Variants in RALYL observed in about 807,000 individuals in gnomAD.
RALYL encodes RNA-binding Raly-like protein.
RALYL carries 29 observed loss-of-function variants against 35.1 expected under a neutral mutation model. The observed-to-expected ratio is 0.83, with a 90% CI of 0.61 to 1.13. The LOEUF is 1.13. RALYL is among the 50% of genes most tolerant of loss of function. The probability of loss-of-function intolerance (pLI) is 0.00; values close to 1 mark genes in which losing one functional copy is unlikely to be tolerated. For missense variants in RALYL, 359 were observed against 360.4 expected (o/e 1.00, Z 0.03); for synonymous variants, 120 against 127.6 (o/e 0.94, Z 0.40).
intron 2 of RALYL, among the ~76,000 whole-genome samples, chr8:84,642,340 C>G (rs1054810921): frequency 2.6e-5 from 4 of 151,938 alleles, no homozygotes; most frequent in Non-Finnish European, 5.9e-5. Context: ...AAAGCAGCCT[C>G]TATGGCAATT....
chr8:84,398,747 G>T (rs1274764221), intron 1 of RALYL, among the ~76,000 whole-genome samples: 1 of 152,158 alleles, frequency 6.6e-6, no homozygotes, highest in Non-Finnish European at 1.5e-5. Context: ...GCCAAAGCGG[G>T]TCGATCACCT....
intron 3 of RALYL, among the ~76,000 whole-genome samples, chr8:84,775,372 G>A (rs923668344): frequency 4.6e-5 from 7 of 152,246 alleles, no homozygotes; most frequent in African/African-American, 1.7e-4. Context: ...TGCAGCTCAG[G>A]AACCTGAGAT....
intron 1 of RALYL, among the ~76,000 whole-genome samples, chr8:84,516,727 G>A (rs752059136): frequency 6.6e-5 from 10 of 152,148 alleles, no homozygotes; most frequent in Non-Finnish European, 1.5e-4. Flanking sequence ...CAATGCAAGA[G>A]GGTATCTGTC....
chr8:84,631,320 A>AT (rs371812038), intron 2 of RALYL, among the ~76,000 whole-genome samples: 7 of 151,846 alleles, frequency 4.6e-5, no homozygotes, highest in African/African-American at 1.7e-4. Context: ...CATTCAGTTT[A>AT]TTTTTTGTGG....
intron 1 of RALYL, among the ~76,000 whole-genome samples, chr8:84,209,542 T>A (rs2131139789): frequency 6.6e-6 from 1 of 152,302 alleles, no homozygotes; most frequent in South Asian, 2.1e-4. Flanking sequence ...ATATTTTCAA[T>A]AAATGATGGC....
At chr8:84,423,710 G>C (rs1183867088) in intron 1 of RALYL, among the ~76,000 whole-genome samples, 3 of 151,820 alleles carry the variant, frequency 2.0e-5, no homozygotes, top group Non-Finnish European at 2.9e-5. Flanking sequence ...TCCATGTTTA[G>C]TGCTTCCTTC....
chr8:84,703,898 T>G (rs918080776), intron 2 of RALYL, among the ~76,000 whole-genome samples: 1 of 152,274 alleles, frequency 6.6e-6, no homozygotes, highest in Admixed American at 6.5e-5. Flanking sequence ...AAATACATCA[T>G]TAGATCTTCA....
At chr8:84,874,846 A>G (rs1437853359) in intron 7 of RALYL, among the ~76,000 whole-genome samples, 2 of 152,234 alleles carry the variant, frequency 1.3e-5, no homozygotes, top group Non-Finnish European at 2.9e-5. Context: ...AGTTAAAAAT[A>G]TAATAATTGG....
intron 1 of RALYL, among the ~76,000 whole-genome samples, chr8:84,507,768 T>C (rs2057298873): frequency 6.6e-6 from 1 of 152,170 alleles, no homozygotes; most frequent in African/African-American, 2.4e-5. Context: ...CTGTTGTCAA[T>C]AATTACAAGC....
At chr8:84,223,081 GCCTTTCCTTTCCTTT>G (rs767992068) in intron 1 of RALYL, among the ~76,000 whole-genome samples, 2,015 of 52,352 alleles carry the variant, frequency 0.038, 61 homozygotes, top group African/African-American at 0.071. Flanking sequence ...CCTTTGCCCT[GCCTTTCCTTTCCTTT>G]CCTTTCCTTT....
At chr8:84,244,196 A>C (rs1288307514) in intron 1 of RALYL, among the ~76,000 whole-genome samples, 1 of 152,160 alleles carries the variant, frequency 6.6e-6, no homozygotes, top group African/African-American at 2.4e-5. Context: ...TATCCCATTT[A>C]GTGGATGAGT....
In RALYL at chr8:84,856,657, A is replaced by T. The variant is rs16913370; in HGVS notation, c.414-5639A>T. 4.8e-3 allele frequency among the ~76,000 whole-genome samples: 725 copies of T among 152,346 alleles called. 6 individuals are homozygous for T. The highest frequency in any genetic ancestry group is 0.016 in the African/African-American group (681 of 41,590). On this transcript the variant is annotated intron_variant, in intron 5 of 8. Coordinates refer to ENST00000521268, the MANE Select transcript of RALYL (RefSeq NM_173848.7). ...TAACCAAAGATTTATTTGAAGTCAGAGTAGAAATTATAGGCAGAGTTTATG... is the reference window on the plus strand; with the variant it reads ...TAACCAAAGATTTATTTGAAGTCAGTGTAGAAATTATAGGCAGAGTTTATG...
At chr8:84,267,931 C>G (rs1833638637) in intron 1 of RALYL, among the ~76,000 whole-genome samples, 2 of 152,196 alleles carry the variant, frequency 1.3e-5, no homozygotes, top group African/African-American at 2.4e-5. Flanking sequence ...CAGTATCAGG[C>G]AGTCTAGGCT....
intron 1 of RALYL, among the ~76,000 whole-genome samples, chr8:84,248,566 A>G (rs1177135891): frequency 6.6e-6 from 1 of 152,002 alleles, no homozygotes; most frequent in Non-Finnish European, 1.5e-5. Context: ...ATCCTTAGTC[A>G]TCTTGTATTC....
chr8:84,343,991 T>C (rs112224601), intron 1 of RALYL, among the ~76,000 whole-genome samples: 4,471 of 152,108 alleles, frequency 0.029, 113 homozygotes, highest in Non-Finnish European at 0.035. Flanking sequence ...GTTTTACTGA[T>C]TATGTTTAGA....
At chr8:84,653,568 T>C (rs1487042485) in intron 2 of RALYL, among the ~76,000 whole-genome samples, 1 of 152,018 alleles carries the variant, frequency 6.6e-6, no homozygotes, top group East Asian at 1.9e-4. Flanking sequence ...CTTCCTTCCT[T>C]CCTTCAGGTC....
intron 1 of RALYL, among the ~76,000 whole-genome samples, chr8:84,348,531 G>A (rs1850271327): frequency 6.6e-6 from 1 of 152,176 alleles, no homozygotes; most frequent in East Asian, 1.9e-4. Context: ...TCCATTTAAT[G>A]TACAGAAGGG....
chr8:84,273,253 G>A (rs1196004078), intron 1 of RALYL, among the ~76,000 whole-genome samples: 1 of 152,182 alleles, frequency 6.6e-6, no homozygotes, highest in East Asian at 1.9e-4. Flanking sequence ...TCATCTCAGG[G>A]CTCTAGTGGG....
intron 1 of RALYL, among the ~76,000 whole-genome samples, chr8:84,262,632 A>C (rs1832528895): frequency 6.6e-6 from 1 of 152,186 alleles, no homozygotes; most frequent in African/African-American, 2.4e-5. Flanking sequence ...TTTGATACAT[A>C]GAAATAATGT....
Sources: gnomAD v4.1 joint callset for allele counts (sites outside exome capture counted in the v4.1 genomes callset) on GRCh38, gnomAD v4.1.1 for gene constraint, MANE v1.5 for transcripts, NCBI Gene and HGNC (gene_info 2026-07-23, HGNC 2026-07-21) for gene names.